Variants in LARP7 observed in about 807,000 individuals in gnomAD.
The protein encoded by LARP7 is La ribonucleoprotein 7, transcriptional regulator.
Under a neutral mutation model 69.3 loss-of-function variants are expected in LARP7, and 52 were observed. That is an observed-to-expected ratio of 0.75 (90% CI 0.60 to 0.95). The LOEUF (loss-of-function observed/expected upper bound fraction) is 0.95. Among genes scored for constraint, LARP7 ranks in the 40% least tolerant of loss-of-function variants. The probability of loss-of-function intolerance (pLI) is 0.00; values close to 1 mark genes in which losing one functional copy is unlikely to be tolerated. For synonymous variants in LARP7, 254 were observed against 215.9 expected (o/e 1.18, Z -1.55); for missense variants, 733 against 673.0 (o/e 1.09, Z -0.99).
rs572590940 is a variant in LARP7 at position 112,649,536 on chromosome 4, A to G, written c.1144A>G (p.Ser382Gly). ...TTATCACCATTTCTTTCCTTGTAGG[A>G]GCGAATGGATGGATTTGAAAAAAGA... is the stretch of plus-strand genomic sequence containing the variant. ...EVIPLRVLSK[S>G]EWMDLKKEYL... Residue 382 changes from serine (S) to glycine (G), a missense_variant and splice_region_variant, in exon 9 of 13, where the codon AGC becomes GGC. Coordinates refer to ENST00000344442, the MANE Select transcript of LARP7 (RefSeq NM_016648.4). 5.6e-6 allele frequency: 9 copies of G among 1,594,410 alleles called. No homozygotes were observed. In the African/African-American group the frequency reaches 8.1e-5, roughly 14 times the overall value.
chr4:112,649,747 C>T, intron 9 of LARP7, 61 bp downstream of exon 9: 1 of 1,079,248 alleles, frequency 9.3e-7, no homozygotes, highest in East Asian at 2.9e-5. Context: ...AATGCTATCT[C>T]TGAGTTGTTA....
At chr4:112,649,857 A>G (rs2048631559) in intron 9 of LARP7, 171 bp downstream of exon 9, 1 of 428,764 alleles carries the variant, frequency 2.3e-6, no homozygotes, top group Admixed American at 4.3e-5. Flanking sequence ...TACTCTTGAT[A>G]TAAGAATATT....
chr4:112,646,291 G>C (rs1411267791), intron 2 of LARP7, 60 bp from the exon 3 acceptor site: 2 of 862,746 alleles, frequency 2.3e-6, no homozygotes, highest in Non-Finnish European at 3.7e-6. Context: ...AGGTTAAATT[G>C]TACCAAATTG....
chr4:112,650,608 TTTG>T, intron 10 of LARP7, 26 bp downstream of exon 10: 1 of 1,593,388 alleles, frequency 6.3e-7, no homozygotes, highest in Non-Finnish European at 8.5e-7. Context: ...CCCTAGGGTA[TTTG>T]TTCCTTTCTT....
chr4:112,637,472 A>C (rs1045558826), intron 1 of LARP7: 1 of 152,136 alleles, frequency 6.6e-6, no homozygotes, highest in South Asian at 2.1e-4. Context: ...CGGCGTGGGG[A>C]GGTTTGGGGC....
intron 1 of LARP7, among the ~76,000 whole-genome samples, chr4:112,643,970 C>T (rs1371945482): frequency 2.0e-5 from 3 of 151,948 alleles, no homozygotes; most frequent in African/African-American, 7.3e-5. Flanking sequence ...TTGCCAGGCG[C>T]GGCGGCTCAT....
Position 112,647,064 on chromosome 4 carries a change from A to G in LARP7, c.583A>G (p.Arg195Gly). ...FLNNPPEEAP[R>G]KPGIFPKTVK... ...TAACAACCCACCAGAAGAAGCACCA[A>G]GAAAACCTGGCATATTTCCTAAAAC... is the stretch of plus-strand genomic sequence containing the variant. The change falls in exon 6 of 13, where the codon AGA becomes GGA. Residue 195 changes from arginine to glycine, a missense_variant. Transcript: ENST00000344442. 6.2e-7 allele frequency: 1 copy of G among 1,612,228 alleles called. No individual in the cohort carries two copies. Among genetic ancestry groups the G allele is most frequent in the Non-Finnish European group, 8.5e-7 (1 of 1,179,592 alleles).
chr4:112,648,169 A>G (rs1019896774), intron 8 of LARP7: 1 of 525,288 alleles, frequency 1.9e-6, no homozygotes. Flanking sequence ...ATAAAAATGT[A>G]AAAGGAAGAC....
chr4:112,653,230 C>T lies in LARP7; in HGVS notation c.1570C>T (p.Leu524Phe). ...NKKHCWKLEI[L>F]SGDHEQRYWQ... is the part of the protein sequence containing the mutation. ...GAAACACTGCTGGAAACTCGAGATC[C>T]TTTCTGGTAAAACTTCATAGACGTT... Residue 524 changes from leucine to phenylalanine, a missense_variant, in exon 11 of 13, where the codon CTT (leucine) becomes TTT (phenylalanine). Coordinates refer to ENST00000344442, the MANE Select transcript of LARP7 (RefSeq NM_016648.4). 1 of 1,575,420 alleles carries T rather than the reference C, an allele frequency of 6.3e-7. No individual in the cohort carries two copies. Among genetic ancestry groups the T allele is most frequent in the Non-Finnish European group, 8.6e-7 (1 of 1,167,214 alleles).
intron 1 of LARP7, chr4:112,637,729 G>C (rs946089841): frequency 2.6e-5 from 4 of 152,252 alleles, no homozygotes; most frequent in African/African-American, 9.6e-5. Context: ...GAGTGCGTTT[G>C]CAAAGAAACT....
At chr4:112,651,033 A>T (rs1280128675) in intron 10 of LARP7, among the ~76,000 whole-genome samples, 1 of 152,212 alleles carries the variant, frequency 6.6e-6, no homozygotes, top group Non-Finnish European at 1.5e-5. Flanking sequence ...CGCTTTATAC[A>T]GTCTATCTTC....
In LARP7 at chr4:112,640,008, G is replaced by GA. The variant is rs2047897974; in HGVS notation, c.-3+2771dup. 2.0e-5 allele frequency among the ~76,000 whole-genome samples: 3 copies of GA among 152,038 alleles called. 1 individual carries two copies. In the South Asian group the frequency reaches 6.2e-4, roughly 32 times the overall value. On this transcript the variant is annotated intron_variant, in intron 1 of 12. Transcript: ENST00000344442. ...GACTGGAGTGCAGTGGTACGATCTC[G>GA]AATCACTGCAACCTCTGCCTCCTGG...
At chr4:112,643,646 G>A (rs914798305) in intron 1 of LARP7, among the ~76,000 whole-genome samples, 2 of 152,176 alleles carry the variant, frequency 1.3e-5, no homozygotes, top group East Asian at 1.9e-4. Flanking sequence ...TCAGGAGTTC[G>A]AGACCAGCCT....
At position 112,650,576 on chromosome 4, in the gene LARP7, A is replaced by G; in HGVS notation, c.1410A>G (p.Gln470=). 1 of 1,612,992 alleles carries G rather than the reference A, an allele frequency of 6.2e-7. No homozygotes were observed. ...CAGAGCCTCTACCTGGCAGGAAACAAGTCCGGGTAATGATTTTGAGCCCCT... is the reference window on the plus strand; with the variant it reads ...CAGAGCCTCTACCTGGCAGGAAACAGGTCCGGGTAATGATTTTGAGCCCCT... The part of the protein sequence containing the change: ...ISTEPLPGRK[Q]VRDTLAAISE... The change falls in exon 10 of 13, where the codon CAA becomes CAG. Residue 470 remains glutamine, a synonymous_variant. Transcript: ENST00000344442.
rs544131281 is a variant in LARP7 at position 112,645,860 on chromosome 4, A to ATG, written c.203-490_203-489dup. Reference sequence around the variant, plus strand: ...CAACCTTGTGCTTGTTTCTAATAGGATGGGATCCAGATGTCCTCTTTGAAT... The same window carrying ATG: ...CAACCTTGTGCTTGTTTCTAATAGGATGTGGGATCCAGATGTCCTCTTTGAAT... On this transcript the variant is annotated intron_variant, in intron 2 of 12. Transcript: ENST00000344442. 5.8e-3 allele frequency among the ~76,000 whole-genome samples: 886 copies of ATG among 152,156 alleles called. 9 individuals carry two copies. The highest frequency in any genetic ancestry group is 0.02 in the African/African-American group (840 of 41,490).
chr4:112,644,311 A>G (rs1451644476), intron 1 of LARP7: 7 of 263,280 alleles, frequency 2.7e-5, no homozygotes, highest in Admixed American at 1.1e-4. Flanking sequence ...TGCGATGGAG[A>G]GGAGGGGGTG....
chr4:112,642,830 T>G (rs1317070905), intron 1 of LARP7, among the ~76,000 whole-genome samples: 1 of 152,260 alleles, frequency 6.6e-6, no homozygotes, highest in African/African-American at 2.4e-5. Context: ...AATCTGTTGT[T>G]CTGGTCACGT....
intron 2 of LARP7, chr4:112,645,519 T>C (rs1365289295): frequency 2.2e-6 from 1 of 456,258 alleles, no homozygotes. Flanking sequence ...TTGTTTCATT[T>C]TTTTGAGGCA....
chr4:112,654,295 T>C, intron 12 of LARP7, 136 bp downstream of exon 12: 3 of 541,684 alleles, frequency 5.5e-6, no homozygotes, highest in South Asian at 5.8e-5. Context: ...TACTATGTTT[T>C]AGGTTGGGAG....
Sources: allele counts gnomAD v4.1 joint callset (sites outside exome capture counted in the v4.1 genomes callset), GRCh38; gene constraint gnomAD v4.1.1; transcripts MANE v1.5; gene names NCBI Gene and HGNC (gene_info 2026-07-23, HGNC 2026-07-21).